UBE2L3: variants seen among roughly 807,000 people sequenced by gnomAD.
UBE2L3 encodes ubiquitin conjugating enzyme E2 L3, also known as ubiquitin-conjugating enzyme E2 L3.
Under a neutral mutation model 17.8 loss-of-function variants are expected in UBE2L3, and 1 was observed. That is an observed-to-expected ratio of 0.06 (90% CI 0.02 to 0.27). The LOEUF (loss-of-function observed/expected upper bound fraction) is 0.27. Among genes scored for constraint, UBE2L3 ranks in the 10% least tolerant of loss-of-function variants. UBE2L3 has a pLI of 1.00. For synonymous variants in UBE2L3, 44 were observed against 68.5 expected (o/e 0.64, Z 1.76); for missense variants, 40 against 192.6 (o/e 0.21, Z 4.69).
chr22:21,600,825 A>AT (rs1243622598), intron 2 of UBE2L3, among the ~76,000 whole-genome samples: 19 of 152,312 alleles, frequency 1.2e-4, no homozygotes, highest in Admixed American at 3.3e-4. Flanking sequence ...CATGTGGCAG[A>AT]TTTTTTGATT....
In UBE2L3 at chr22:21,562,670, C is replaced by CTT. The variant is rs131653; in HGVS notation, c.201+13039_201+13040dup. Among the ~76,000 whole-genome samples the CTT allele has an allele frequency of 4.4e-3, 461 of 105,230 alleles. 7 individuals carry two copies. Among genetic ancestry groups the CTT allele is most frequent in the African/African-American group, 0.015 (411 of 27,166 alleles). The allele number at this position is 105,230 out of a possible 152,430, so 69.0% of individuals were successfully genotyped here. ...ACAGGCGTGAGCCACCACGCCTGGG[C>CTT]TTTTTTTTTTTTTTTTTTTTGTATT... On this transcript the variant is annotated intron_variant, in intron 1 of 3. Transcript: ENST00000458578.
chr22:21,567,664 C>T (rs914643219), upstream of UBE2L3: 55 of 1,549,168 alleles, frequency 3.6e-5, no homozygotes, highest in African/African-American at 7.1e-4. Context: ...GCGGCCCCTC[C>T]CCCGCTCCAG....
chr22:21,581,898 G>C (rs990710168), intron 1 of UBE2L3, among the ~76,000 whole-genome samples: 43 of 151,818 alleles, frequency 2.8e-4, no homozygotes, highest in Non-Finnish European at 5.3e-4. Flanking sequence ...GATCACCTGA[G>C]GTCAGGAGTT....
intron 2 of UBE2L3, among the ~76,000 whole-genome samples, chr22:21,608,666 C>G (rs886614530): frequency 6.6e-6 from 1 of 151,894 alleles, no homozygotes; most frequent in African/African-American, 2.4e-5. Context: ...CTCAAGTGAT[C>G]TACCCAGCTT....
At chr22:21,572,598 T>C (rs2148401788) in intron 1 of UBE2L3, among the ~76,000 whole-genome samples, 1 of 152,244 alleles carries the variant, frequency 6.6e-6, no homozygotes, top group African/African-American at 2.4e-5. Flanking sequence ...GTTTAAGATA[T>C]TTCTATATTC....
At chr22:21,614,348 G>C (rs1331444834) in intron 3 of UBE2L3, among the ~76,000 whole-genome samples, 1 of 152,042 alleles carries the variant, frequency 6.6e-6, no homozygotes, top group Admixed American at 6.6e-5. Flanking sequence ...CCAGCATTTT[G>C]GGAGGCTGGG....
chr22:21,581,080 A>G (rs1324433009), intron 1 of UBE2L3, among the ~76,000 whole-genome samples: 11 of 113,050 alleles, frequency 9.7e-5, no homozygotes, highest in African/African-American at 2.1e-4. Flanking sequence ...TTTGAGATGG[A>G]GTCTCACCCT....
upstream of UBE2L3, among the ~76,000 whole-genome samples, chr22:21,566,090 A>G (rs908507301): frequency 5.3e-5 from 8 of 150,864 alleles, no homozygotes; most frequent in Non-Finnish European, 1.2e-4. Flanking sequence ...CTCCTGCCTC[A>G]GCATCCAGAG....
At chr22:21,598,975 G>A (rs1928708190) in intron 2 of UBE2L3, among the ~76,000 whole-genome samples, 1 of 151,556 alleles carries the variant, frequency 6.6e-6, no homozygotes, top group South Asian at 2.1e-4. Context: ...TGGCAGCTGG[G>A]GCTACAGGCA....
chr22:21,580,942 G>C (rs942960382), intron 1 of UBE2L3, among the ~76,000 whole-genome samples: 2 of 150,688 alleles, frequency 1.3e-5, no homozygotes, highest in Admixed American at 1.3e-4. Context: ...GCAGTGGCAT[G>C]ATCATAACTC....
chr22:21,592,740 C>T (rs1219205009), intron 1 of UBE2L3, 121 bp from the exon 2 acceptor site: 2 of 770,192 alleles, frequency 2.6e-6, no homozygotes, highest in Non-Finnish European at 4.4e-6. Flanking sequence ...GTTTAGTCCT[C>T]ACTGTCCAAT....
At chr22:21,579,847 C>G (rs1007311528) in intron 1 of UBE2L3, among the ~76,000 whole-genome samples, 1 of 152,080 alleles carries the variant, frequency 6.6e-6, no homozygotes, top group African/African-American at 2.4e-5. Flanking sequence ...GTTTGCATTT[C>G]TGTTACAATT....
At chr22:21,569,796 C>T (rs1435880699) in intron 1 of UBE2L3, among the ~76,000 whole-genome samples, 2 of 152,162 alleles carry the variant, frequency 1.3e-5, no homozygotes, top group African/African-American at 4.8e-5. Flanking sequence ...GTGAAGTAGA[C>T]ATTGTGATTT....
chr22:21,557,515 G>C (rs1442830325), intron 1 of UBE2L3, among the ~76,000 whole-genome samples: 1 of 151,772 alleles, frequency 6.6e-6, no homozygotes, highest in Non-Finnish European at 1.5e-5. Flanking sequence ...TTGCTTCAAT[G>C]GGCAGATCTA....
intron 1 of UBE2L3, among the ~76,000 whole-genome samples, chr22:21,552,908 G>C (rs1926122220): frequency 7.5e-6 from 1 of 132,776 alleles, no homozygotes; most frequent in African/African-American, 3.1e-5. Flanking sequence ...TGTATTTTCA[G>C]TAGAGATGGG....
chr22:21,562,198 CTTT>C (rs1050849043), intron 1 of UBE2L3, among the ~76,000 whole-genome samples: 1 of 133,350 alleles, frequency 7.5e-6, no homozygotes. Context: ...TTTTTTTTTT[CTTT>C]TTTTTTTTTT....
Position 21,579,005 on chromosome 22 carries a change from T to TTTA in UBE2L3, c.27+11236_27+11237insATT. Among the ~76,000 whole-genome samples, 7 of 141,318 alleles carry TTTA rather than the reference T, an allele frequency of 5.0e-5. 1 individual carries two copies. The highest frequency in any genetic ancestry group is 2.0e-4 in the African/African-American group (7 of 34,482). 92.7% of individuals were successfully genotyped at this position (141,318 alleles called of 152,430 possible). A position where few individuals can be genotyped will look rare whatever the true frequency, so the allele number is the denominator to read the frequency against. The stretch of plus-strand genomic sequence containing the variant: ...TATTTATTTATTTATTTATTTATTT[T>TTTA]TTGAGATGGAGTTTCACTCTTGTCA... On this transcript the variant is annotated intron_variant, in intron 1 of 3. Transcript: ENST00000342192.
At chr22:21,619,344 G>A (rs1205043007) in intron 3 of UBE2L3, among the ~76,000 whole-genome samples, 1 of 152,220 alleles carries the variant, frequency 6.6e-6, no homozygotes, top group East Asian at 1.9e-4. Context: ...AAGAGGCTTA[G>A]AGACTGAATT....
intron 2 of UBE2L3, among the ~76,000 whole-genome samples, chr22:21,602,433 A>G (rs1928916093): frequency 6.6e-6 from 1 of 152,174 alleles, no homozygotes. Flanking sequence ...AGAGAGCTGT[A>G]TGGTGGTCTT....
Sources: allele counts gnomAD v4.1 joint callset (sites outside exome capture counted in the v4.1 genomes callset), GRCh38; gene constraint gnomAD v4.1.1; transcripts MANE v1.5; gene names NCBI Gene and HGNC (gene_info 2026-07-23, HGNC 2026-07-21).